PCDH11X: variants seen among roughly 807,000 people sequenced by gnomAD.
PCDH11X encodes protocadherin-11 X-linked.
In PCDH11X, 18 loss-of-function variants were observed where a neutral mutation model predicts 53.3. That is an observed-to-expected ratio of 0.34 (90% confidence interval 0.23 to 0.50). PCDH11X has a LOEUF of 0.50. Ranked by LOEUF, PCDH11X falls within the 20% of genes least tolerant of loss-of-function variation. The pLI is 0.98. For synonymous variants in PCDH11X, 279 were observed against 393.3 expected (o/e 0.71, Z 3.44); for missense variants, 570 against 1,032.4 (o/e 0.55, Z 6.14).
At chrX:92,377,350 G>A (rs2070774857) in intron 8 of PCDH11X, among the ~76,000 whole-genome samples, 1 of 109,970 alleles carries the variant, frequency 9.1e-6, no homozygotes, top group Non-Finnish European at 1.9e-5. Flanking sequence ...GAGCTCTTAA[G>A]CACAAATCTC....
chrX:92,353,537 T>C lies in PCDH11X; in HGVS notation c.3145-34198T>C, dbSNP rs368070449. The stretch of plus-strand genomic sequence containing the variant: ...TGTGTAGGTTCACAAATAAATCATT[T>C]TACGCCTCTTTGCTTTCAGAATAAT... On this transcript the variant is annotated intron_variant, in intron 8 of 10. Transcript: ENST00000682573. Among the ~76,000 whole-genome samples the C allele has an allele frequency of 3.7e-4, 41 of 110,822 alleles. 1 individual carries two copies. In the South Asian group the frequency reaches 0.013, roughly 35 times the overall value.
At chrX:91,981,078 AAT>A (rs748958954) in intron 6 of PCDH11X, among the ~76,000 whole-genome samples, 5 of 102,743 alleles carry the variant, frequency 4.9e-5, no homozygotes, top group African/African-American at 7.0e-5. Flanking sequence ...ATATACACTG[AAT>A]ATATATATAC....
chrX:91,882,327 G>C (rs1370470326), intron 6 of PCDH11X, among the ~76,000 whole-genome samples: 5 of 109,532 alleles, frequency 4.6e-5, no homozygotes, highest in Non-Finnish European at 9.5e-5. Flanking sequence ...ATAGCAATTG[G>C]TTGTTATGAC....
chrX:92,134,291 G>GT (rs992586343), intron 6 of PCDH11X, among the ~76,000 whole-genome samples: 3 of 110,081 alleles, frequency 2.7e-5, no homozygotes, highest in Non-Finnish European at 5.7e-5. Flanking sequence ...TTGTTTGTTT[G>GT]TTTTTTTAAT....
At chrX:92,341,643 T>C (rs2069761952) in intron 8 of PCDH11X, among the ~76,000 whole-genome samples, 1 of 110,796 alleles carries the variant, frequency 9.0e-6, no homozygotes, top group Admixed American at 9.6e-5. Flanking sequence ...CAGCCAGATC[T>C]CATAAGAAGC....
intron 9 of PCDH11X, among the ~76,000 whole-genome samples, chrX:92,447,094 C>G (rs1244187805): frequency 1.8e-5 from 2 of 112,046 alleles, no homozygotes; most frequent in Admixed American, 9.5e-5. Flanking sequence ...CAAGAGGTGA[C>G]TTGGGTGCTG....
chrX:92,452,461 GTGTA>G (rs1352074977), intron 9 of PCDH11X, among the ~76,000 whole-genome samples: 1 of 39,864 alleles, frequency 2.5e-5, no homozygotes, highest in African/African-American at 1.4e-4. Context: ...ATGTGTGTGT[GTGTA>G]TATATATATA....
At chrX:92,218,435 T>A (rs1278994659) in intron 7 of PCDH11X, among the ~76,000 whole-genome samples, 2 of 107,847 alleles carry the variant, frequency 1.9e-5, no homozygotes, top group Non-Finnish European at 3.9e-5. Flanking sequence ...GAAAATAAAC[T>A]AGAAAATCTA....
chrX:91,923,610 G>C (rs1368244259), intron 6 of PCDH11X, among the ~76,000 whole-genome samples: 3 of 104,890 alleles, frequency 2.9e-5, no homozygotes, highest in Non-Finnish European at 5.9e-5. Context: ...TTTGGAACTC[G>C]GACTGGCTTC....
intron 8 of PCDH11X, among the ~76,000 whole-genome samples, chrX:92,265,469 A>AT (rs769501987): frequency 2.7e-4 from 30 of 111,007 alleles, no homozygotes; most frequent in African/African-American, 9.5e-4. Flanking sequence ...GAAGTTTATT[A>AT]TTTTTTTCAC....
At chrX:91,960,538 C>T (rs1018126664) in intron 6 of PCDH11X, among the ~76,000 whole-genome samples, 3 of 110,760 alleles carry the variant, frequency 2.7e-5, no homozygotes, top group African/African-American at 9.9e-5. Context: ...GATTCTCCCA[C>T]CTCAGCCTCC....
chrX:92,175,083 C>T (rs750422044), intron 6 of PCDH11X, among the ~76,000 whole-genome samples: 54 of 110,905 alleles, frequency 4.9e-4, no homozygotes, highest in African/African-American at 1.7e-3. Context: ...TCAAGTGATT[C>T]TCCTGCCTCA....
chrX:92,529,116 G>T (rs1569500852), intron 10 of PCDH11X, among the ~76,000 whole-genome samples: 1 of 111,436 alleles, frequency 9.0e-6, no homozygotes, highest in Non-Finnish European at 1.9e-5. Flanking sequence ...TTTATAGGAT[G>T]AAAAAATTTT....
At chrX:92,211,408 C>T (rs756755245) in intron 7 of PCDH11X, among the ~76,000 whole-genome samples, 2 of 111,670 alleles carry the variant, frequency 1.8e-5, no homozygotes, top group Non-Finnish European at 3.8e-5. Flanking sequence ...CCAGGTCCCT[C>T]CCTCAACATT....
At chrX:92,489,265 CA>C (rs1405410909) in intron 10 of PCDH11X, among the ~76,000 whole-genome samples, 1 of 108,608 alleles carries the variant, frequency 9.2e-6, no homozygotes, top group Non-Finnish European at 1.9e-5. Flanking sequence ...CTCCTATGTC[CA>C]AAAAAAGAAA....
chrX:92,261,844 A>G (rs2048800918), intron 7 of PCDH11X, among the ~76,000 whole-genome samples: 2 of 111,490 alleles, frequency 1.8e-5, no homozygotes, highest in Admixed American at 1.9e-4. Flanking sequence ...ATCCAAGGAC[A>G]CTTTCTTGGA....
intron 6 of PCDH11X, among the ~76,000 whole-genome samples, chrX:92,120,155 CTTTTTTTTTT>C (rs764997941): frequency 0.2 from 12,044 of 61,179 alleles, 1,044 homozygotes; most frequent in East Asian, 0.58. Context: ...ACTTTTCTTT[CTTTTTTTTTT>C]TTTTTTTTTT....
rs1288421962 is a variant in PCDH11X, at chrX:91,951,112, C to G, written c.3033+71839C>G. The stretch of plus-strand genomic sequence containing the variant: ...CAGGTAGAAATAGTAACTAGCCATC[C>G]ATAACGTATTATTTTTCTCTCAGGA... On this transcript the variant is annotated intron_variant, in intron 6 of 10. Coordinates refer to ENST00000682573, the MANE Select transcript of PCDH11X (RefSeq NM_032968.5). Among the ~76,000 whole-genome samples, 5 of 110,971 alleles carry G rather than the reference C, an allele frequency of 4.5e-5. No individual in the cohort carries two copies. In the East Asian group the frequency reaches 8.5e-4, roughly 19 times the overall value.
In PCDH11X at chrX:91,885,456, G is replaced by C. The variant is rs187953764; in HGVS notation, c.3033+6183G>C. Among the ~76,000 whole-genome samples the C allele has an allele frequency of 5.8e-3, 637 of 109,828 alleles. 1 individual carries two copies. Among genetic ancestry groups the C allele is most frequent in the African/African-American group, 0.02 (599 of 30,300 alleles). On this transcript the variant is annotated intron_variant, in intron 6 of 10. Transcript: ENST00000682573. ...TCAATTTAATTTTGAATAAAATGAC[G>C]AAGCCCAGAAAAGTGAATCAGAAGT...
Sources: allele counts gnomAD v4.1 joint callset (sites outside exome capture counted in the v4.1 genomes callset), GRCh38; gene constraint gnomAD v4.1.1; transcripts MANE v1.5; gene names NCBI Gene and HGNC (gene_info 2026-07-23, HGNC 2026-07-21).